Variants in WASF3 observed in about 807,000 individuals in gnomAD.
The protein encoded by WASF3 is WASP family member 3, also known as actin-binding protein WASF3.
Under a neutral mutation model 46.6 loss-of-function variants are expected in WASF3, and 11 were observed. That is an observed-to-expected ratio of 0.24 (90% CI 0.15 to 0.39). The LOEUF (loss-of-function observed/expected upper bound fraction) is 0.39. Ranked by LOEUF, WASF3 falls within the 10% of genes least tolerant of loss-of-function variation. The pLI is 1.00. For synonymous variants in WASF3, 242 were observed against 259.7 expected, an observed-to-expected ratio of 0.93 and a Z score of 0.65; for missense variants, 576 against 669.8, an observed-to-expected ratio of 0.86 and a Z score of 1.55.
At chr13:26,590,352 A>G (rs2137182257) in intron 1 of WASF3, among the ~76,000 whole-genome samples, 1 of 152,346 alleles carries the variant, frequency 6.6e-6, no homozygotes, top group Non-Finnish European at 1.5e-5. Flanking sequence ...TATTTACTTT[A>G]ACTCCAGTAA....
the WASF3 span, among the ~76,000 whole-genome samples, chr13:26,543,771 G>T: frequency 6.6e-6 from 1 of 152,164 alleles, no homozygotes; most frequent in Non-Finnish European, 1.5e-5. Flanking sequence ...GTGGGGCACC[G>T]ATAGTTTCCC....
intron 1 of WASF3, among the ~76,000 whole-genome samples, chr13:26,605,300 A>G (rs1045901993): frequency 3.3e-5 from 5 of 152,138 alleles, no homozygotes; most frequent in Admixed American, 6.5e-5. Context: ...TGAGAAAGTT[A>G]TTATTATTTT....
chr13:26,574,779 G>A (rs1879742688), intron 1 of WASF3, among the ~76,000 whole-genome samples: 1 of 151,170 alleles, frequency 6.6e-6, no homozygotes, highest in East Asian at 1.9e-4. Flanking sequence ...AGGAAGGTGG[G>A]ACTAAGTTTT....
intron 2 of WASF3, among the ~76,000 whole-genome samples, chr13:26,636,382 G>T (rs1030384890): frequency 6.6e-6 from 1 of 152,202 alleles, no homozygotes; most frequent in African/African-American, 2.4e-5. Flanking sequence ...ACAGTATTTG[G>T]GCGGAAGTGC....
chr13:26,569,886 G>A lies in WASF3; in HGVS notation c.-109+12067G>A, dbSNP rs182563864. 3.9e-3 allele frequency among the ~76,000 whole-genome samples: 596 copies of A among 152,300 alleles called. 7 individuals carry two copies. Among genetic ancestry groups the A allele is most frequent in the African/African-American group, 0.014 (561 of 41,548 alleles). Reference sequence around the variant, plus strand: ...AGAGAACATCCTAAAATATCCTACAGGCGGTAAAGATTTTTAACAAGATAT... The same window carrying A: ...AGAGAACATCCTAAAATATCCTACAAGCGGTAAAGATTTTTAACAAGATAT... On this transcript the variant is annotated intron_variant, in intron 1 of 9. Transcript: ENST00000335327.
At chr13:26,551,500 C>G in the WASF3 span, among the ~76,000 whole-genome samples, 1 of 152,148 alleles carries the variant, frequency 6.6e-6, no homozygotes, top group South Asian at 2.1e-4. Context: ...GTGTTAGGCA[C>G]TAGGGATTCA....
At chr13:26,636,098 G>T (rs1272784158) in intron 2 of WASF3, among the ~76,000 whole-genome samples, 3 of 152,244 alleles carry the variant, frequency 2.0e-5, no homozygotes, top group African/African-American at 7.2e-5. Context: ...CTTTTGTTCA[G>T]CTATGCCCTG....
chr13:26,658,161 A>C (rs1882521860), intron 3 of WASF3, among the ~76,000 whole-genome samples: 1 of 152,128 alleles, frequency 6.6e-6, no homozygotes, highest in Admixed American at 6.5e-5. Context: ...CTTGGTGTAT[A>C]TGCTGTCCCT....
chr13:26,622,754 G>A (rs1246407960), intron 2 of WASF3: 1 of 151,250 alleles, frequency 6.6e-6, no homozygotes, highest in Non-Finnish European at 1.5e-5. Context: ...CAGCTTGGGA[G>A]ACAAAGCGAG....
chr13:26,681,892 A>G (rs1883242561), intron 8 of WASF3, among the ~76,000 whole-genome samples: 1 of 152,110 alleles, frequency 6.6e-6, no homozygotes, highest in African/African-American at 2.4e-5. Context: ...CTAGTCTTTA[A>G]AGACTTCATT....
At chr13:26,555,363 C>T (rs559831445), upstream of WASF3, among the ~76,000 whole-genome samples, 2 of 152,134 alleles carry the variant, frequency 1.3e-5, no homozygotes, top group Admixed American at 6.5e-5. Flanking sequence ...GGTACTGCCA[C>T]TCTCATACCC....
At chr13:26,572,009 T>C (rs963318542) in intron 1 of WASF3, among the ~76,000 whole-genome samples, 1 of 152,242 alleles carries the variant, frequency 6.6e-6, no homozygotes, top group African/African-American at 2.4e-5. Flanking sequence ...GGTTATTCTT[T>C]GTGTATGTGA....
chr13:26,676,559 G>A lies in WASF3; in HGVS notation c.551G>A (p.Arg184His), dbSNP rs1383988945. 2.5e-5 allele frequency: 41 copies of A among 1,613,864 alleles called. No homozygotes were observed. The highest frequency in any genetic ancestry group is 3.1e-5 in the Non-Finnish European group (37 of 1,179,974). The change falls in exon 7 of 10, where the codon CGT becomes CAT. Residue 184 changes from arginine to histidine, a missense_variant. Around this residue, in one of 3 missense-constraint regions of WASF3, gnomAD observed 213 missense variants for 278.0 expected, o/e 0.77. Transcript: ENST00000335327. ...TTTCCTGGACATCAGGAGCAAAAGC[G>A]TATAGATGGCACCACCCGTGAGGTG... The part of the protein sequence containing the change: ...KEKRRQKEQK[R>H]IDGTTREVKK...
chr13:26,607,823 A>G (rs1442153941), intron 1 of WASF3, among the ~76,000 whole-genome samples: 4 of 151,910 alleles, frequency 2.6e-5, no homozygotes, highest in African/African-American at 9.7e-5. Context: ...ATTTGTAGAG[A>G]TGAGGTCTCC....
chr13:26,676,601 C>T lies in WASF3; in HGVS notation c.593C>T (p.Ala198Val), dbSNP rs1286650493. The T allele has an allele frequency of 6.2e-7, 1 of 1,614,104 alleles. No homozygotes were observed. The highest frequency in any genetic ancestry group is 1.1e-5 in the South Asian group (1 of 91,076). Residue 198 changes from alanine (A) to valine (V), a missense_variant, in exon 7 of 10, where the codon GCC becomes GTC. Ala to Val is a moderately conservative substitution (Grantham distance 64). Coordinates refer to ENST00000335327, the MANE Select transcript of WASF3 (RefSeq NM_006646.6). Reference protein sequence around the residue: ...TTREVKKVRKARNRRQEWNMM... With the variant: ...TTREVKKVRKVRNRRQEWNMM... ...CGTGAGGTGAAAAAGGTTAGAAAAG[C>T]CAGAAACAGGCGCCAGGAGTGGAAT... is the stretch of plus-strand genomic sequence containing the variant.
At chr13:26,597,423 C>T (rs72658727) in intron 1 of WASF3, among the ~76,000 whole-genome samples, 1,676 of 152,286 alleles carry the variant, frequency 0.011, 39 homozygotes, top group African/African-American at 0.038. Context: ...GCGTGAGCCA[C>T]CACGCCTGGC....
At chr13:26,674,602 TTACA>T (rs1472085968) in intron 6 of WASF3, among the ~76,000 whole-genome samples, 4 of 152,252 alleles carry the variant, frequency 2.6e-5, no homozygotes, top group South Asian at 2.1e-4. Context: ...TACATATGAC[TTACA>T]TACACACACT....
At chr13:26,663,802 A>G (rs1000908634) in intron 3 of WASF3, among the ~76,000 whole-genome samples, 3 of 152,198 alleles carry the variant, frequency 2.0e-5, no homozygotes, top group African/African-American at 7.2e-5. Flanking sequence ...TAATTCATGA[A>G]GATTGCAGCC....
chr13:26,681,849 T>C (rs1248854574), intron 8 of WASF3, among the ~76,000 whole-genome samples: 1 of 152,184 alleles, frequency 6.6e-6, no homozygotes, highest in African/African-American at 2.4e-5. Flanking sequence ...TTTATCAATT[T>C]AGGCACCCAC....
Sources: allele counts gnomAD v4.1 joint callset (sites outside exome capture counted in the v4.1 genomes callset), GRCh38; gene constraint gnomAD v4.1.1; regional missense constraint gnomAD v4.1.1; transcripts MANE v1.5; gene names NCBI Gene and HGNC (gene_info 2026-07-23, HGNC 2026-07-21).